The following TTC23 variants were observed in gnomAD, a reference collection of about 807,000 sequenced individuals.
TTC23 encodes tetratricopeptide repeat domain 23.
A neutral mutation model predicts 55.1 loss-of-function variants in TTC23; 58 were observed. That is an observed-to-expected ratio of 1.05 (90% CI 0.85 to 1.31). The LOEUF is 1.31. TTC23 is among the 50% of genes most tolerant of loss of function. The pLI is 0.00. For missense variants in TTC23, 516 were observed against 534.4 expected (o/e 0.97, Z 0.34); for synonymous variants, 203 against 199.9 (o/e 1.02, Z -0.13).
chr15:99,144,898 G>C (rs1474199459), intron 12 of TTC23: 3 of 152,172 alleles, frequency 2.0e-5, no homozygotes, highest in Non-Finnish European at 4.4e-5. Context: ...TGAAAATTGT[G>C]CTTCTGTTTT....
chr15:99,190,025 A>G (rs566118467), intron 9 of TTC23, among the ~76,000 whole-genome samples: 1 of 152,166 alleles, frequency 6.6e-6, no homozygotes, highest in African/African-American at 2.4e-5. Context: ...AAAAAAATAT[A>G]CAAAAATTAG....
At chr15:99,234,337 A>G (rs2084900) in intron 4 of TTC23, among the ~76,000 whole-genome samples, 64,173 of 152,080 alleles carry the variant, frequency 0.42, 13,658 homozygotes, top group Middle Eastern at 0.6. Context: ...CTCACTATAC[A>G]AATGGGCAAT....
At chr15:99,204,347 T>G (rs910024304) in intron 8 of TTC23, among the ~76,000 whole-genome samples, 2 of 152,204 alleles carry the variant, frequency 1.3e-5, no homozygotes, top group Non-Finnish European at 2.9e-5. Flanking sequence ...TCTTTTTCTA[T>G]TCAGTTGTTT....
intron 9 of TTC23, among the ~76,000 whole-genome samples, chr15:99,196,735 C>T (rs1401345901): frequency 6.6e-6 from 1 of 152,218 alleles, no homozygotes; most frequent in Non-Finnish European, 1.5e-5. Flanking sequence ...CTTATCTCAC[C>T]ACCATCCAGT....
intron 8 of TTC23, among the ~76,000 whole-genome samples, chr15:99,211,691 A>C (rs921330521): frequency 6.6e-6 from 1 of 152,052 alleles, no homozygotes; most frequent in African/African-American, 2.4e-5. Flanking sequence ...AGATGCTTTA[A>C]AGTAATATCT....
At chr15:99,228,811 A>G (rs2078683418) in intron 4 of TTC23, 79 bp from the exon 5 acceptor site, 6 of 1,173,280 alleles carry the variant, frequency 5.1e-6, no homozygotes, top group Non-Finnish European at 5.8e-6. Context: ...TCAACACTAT[A>G]CCCATAATTT....
Position 99,137,812 on chromosome 15 carries a change from A to G in TTC23, c.*198T>C, listed in dbSNP as rs949174590. 1.2e-6 allele frequency: 1 copy of G among 803,856 alleles called. No individual in the cohort carries two copies. Among genetic ancestry groups the G allele is most frequent in the Admixed American group, 3.0e-5 (1 of 33,886 alleles). The allele number at this position is 803,856 out of a possible 1,614,324, so 49.8% of individuals were successfully genotyped here. On this transcript the variant is annotated 3_prime_UTR_variant, in exon 14 of 14. Coordinates refer to ENST00000394132, the MANE Select transcript of TTC23 (RefSeq NM_001288615.3). ...GATAGAAAACTGCTTTATAGCATAT[A>G]TCACCCTGAAGGGCATCCACTGTCA...
intron 5 of TTC23, 158 bp downstream of exon 5, chr15:99,228,375 A>T: frequency 1.8e-6 from 1 of 554,468 alleles, no homozygotes; most frequent in Non-Finnish European, 3.0e-6. Flanking sequence ...GCCTAGAGGT[A>T]CTGCATTCAT....
intron 11 of TTC23, chr15:99,157,168 TCAGCAGATCTTCCATTTTACAA>T (rs2070710660): frequency 6.9e-6 from 1 of 144,096 alleles, no homozygotes; most frequent in Non-Finnish European, 1.5e-5. Flanking sequence ...TCTCACCGTC[TCAGCAGATCTTCCATTTTACAA>T]CAGCAGGTGG....
upstream of TTC23, chr15:99,249,932 T>C (rs1221451151): frequency 6.6e-6 from 1 of 152,212 alleles, no homozygotes. Flanking sequence ...TGAAGGTTAT[T>C]TTAACATGAT....
At chr15:99,150,326 T>C (rs1555496219) in intron 12 of TTC23, among the ~76,000 whole-genome samples, 1 of 152,132 alleles carries the variant, frequency 6.6e-6, no homozygotes. Flanking sequence ...AAAAAAAAAT[T>C]CCAAAGGACA....
chr15:99,230,219 A>G (rs961051569), intron 4 of TTC23, among the ~76,000 whole-genome samples: 15 of 152,210 alleles, frequency 9.9e-5, no homozygotes, highest in Admixed American at 2.6e-4. Flanking sequence ...CCCAAATGGA[A>G]CTTCTAGATA....
chr15:99,187,811 A>G (rs1401999552), intron 9 of TTC23, among the ~76,000 whole-genome samples: 1 of 152,040 alleles, frequency 6.6e-6, no homozygotes, highest in Admixed American at 6.5e-5. Flanking sequence ...TACTTACTAC[A>G]ATGACTGAAA....
At chr15:99,140,118 C>T (rs575741881) in intron 12 of TTC23, 1 of 181,782 alleles carries the variant, frequency 5.5e-6, no homozygotes, top group African/African-American at 2.4e-5. Flanking sequence ...TGTTTGTCAC[C>T]CGGGGTAGAC....
chr15:99,221,794 C>T lies in TTC23; in HGVS notation c.251G>A (p.Trp84Ter), dbSNP rs1477749741. The T allele has an allele frequency of 1.2e-6, 2 of 1,614,128 alleles. No individual in the cohort carries two copies. Among genetic ancestry groups the T allele is most frequent in the African/African-American group, 1.3e-5 (1 of 75,022 alleles). Residue 84 changes from tryptophan to a stop codon, truncating the protein, a stop_gained, in exon 6 of 14, where the codon TGG becomes TAG. Coordinates refer to ENST00000394132, the MANE Select transcript of TTC23 (RefSeq NM_001288615.3). LOFTEE classifies it high-confidence loss of function. ...ATTAACATGTGCCTCTGCTAGTTTC[C>T]AATGTGAGTCTCCATAGCAAATTCT... ...LTRICYGDSH[W>*]KLAEAHVNLA...
At chr15:99,158,895 A>G (rs2602026) in intron 11 of TTC23, 122,082 of 152,396 alleles carry the variant, frequency 0.8, 49,166 homozygotes, top group African/African-American at 0.89. Context: ...ACAGCATGAG[A>G]CTGCCATGTT....
intron 12 of TTC23, chr15:99,139,948 G>C (rs547341732): frequency 3.6e-5 from 12 of 334,030 alleles, no homozygotes; most frequent in African/African-American, 2.4e-4. Context: ...TTGATTGCTT[G>C]TAGTAGGCTA....
chr15:99,229,231 T>A (rs73469362), intron 4 of TTC23, among the ~76,000 whole-genome samples: 1 of 152,018 alleles, frequency 6.6e-6, no homozygotes, highest in South Asian at 2.1e-4. Context: ...TGAAGCCCAA[T>A]TGACCCTGAG....
At chr15:99,193,370 G>A (rs1430915520) in intron 9 of TTC23, among the ~76,000 whole-genome samples, 1 of 152,216 alleles carries the variant, frequency 6.6e-6, no homozygotes, top group African/African-American at 2.4e-5. Flanking sequence ...TCTGGTGGGA[G>A]ATAACTGAAT....
Sources: allele counts gnomAD v4.1 joint callset (sites outside exome capture counted in the v4.1 genomes callset), GRCh38; gene constraint gnomAD v4.1.1; transcripts MANE v1.5; gene names NCBI Gene and HGNC (gene_info 2026-07-23, HGNC 2026-07-21).